The following CSRNP3 variants were observed in gnomAD, a reference collection of about 807,000 sequenced individuals.
CSRNP3 encodes cysteine/serine-rich nuclear protein 3.
In CSRNP3, 12 loss-of-function variants were observed where a neutral mutation model predicts 48.0. The observed-to-expected ratio is 0.25, with a 90% CI of 0.16 to 0.41. CSRNP3 has a LOEUF of 0.41. Among genes scored for constraint, CSRNP3 ranks in the 10% least tolerant of loss-of-function variants. The pLI is 1.00. For synonymous variants in CSRNP3, 263 were observed against 269.7 expected (o/e 0.98, Z 0.24); for missense variants, 580 against 724.4 (o/e 0.80, Z 2.29).
At position 165,657,779 on chromosome 2, in the gene CSRNP3, G is replaced by A. The variant is rs772708499; in HGVS notation, c.167G>A (p.Arg56Lys). Residue 56 changes from arginine to lysine, a missense_variant, in exon 5 of 7, where the codon AGG (arginine) becomes AAG (lysine). Physicochemically the swap from Arg to Lys is conservative, Grantham distance 26. This residue lies in a region of CSRNP3 where 83 missense variants were observed against 139.6 expected (regional missense o/e 0.59). Transcript: ENST00000651982. ...SHFTPSSILK[R>K]EKRLRTKNVH... ...CTTTCAGCTTCCTCCATTCTCAAAAGGGAGAAACGACTGAGGACAAAGAAT... is the reference window on the plus strand; with the variant it reads ...CTTTCAGCTTCCTCCATTCTCAAAAAGGAGAAACGACTGAGGACAAAGAAT... 3 of 1,613,648 alleles carry A rather than the reference G, an allele frequency of 1.9e-6. No homozygotes were observed. The highest frequency in any genetic ancestry group is 1.7e-6 in the Non-Finnish European group (2 of 1,179,634).
intron 4 of CSRNP3, among the ~76,000 whole-genome samples, chr2:165,634,137 G>A (rs1391496169): frequency 6.6e-6 from 1 of 151,998 alleles, no homozygotes; most frequent in East Asian, 1.9e-4. Context: ...CCAGGAGTTC[G>A]AGACCAGCCT....
intron 3 of CSRNP3, among the ~76,000 whole-genome samples, chr2:165,593,200 C>T (rs1218896622): frequency 1.3e-5 from 2 of 152,090 alleles, no homozygotes; most frequent in African/African-American, 2.4e-5. Context: ...GGAATTACAC[C>T]AGGAAAGGTC....
At chr2:165,523,348 G>T (rs192233428) in intron 3 of CSRNP3, among the ~76,000 whole-genome samples, 10 of 152,108 alleles carry the variant, frequency 6.6e-5, no homozygotes, top group Admixed American at 6.6e-4. Context: ...ATCCAAAAAA[G>T]CAAATTGACA....
At chr2:165,604,347 C>T (rs1179109378) in intron 4 of CSRNP3, among the ~76,000 whole-genome samples, 1 of 152,138 alleles carries the variant, frequency 6.6e-6, no homozygotes, top group Non-Finnish European at 1.5e-5. Context: ...TAACATTTAG[C>T]TTTGTAAAGT....
At chr2:165,624,344 A>C (rs1573926532) in intron 4 of CSRNP3, among the ~76,000 whole-genome samples, 1 of 152,226 alleles carries the variant, frequency 6.6e-6, no homozygotes, top group African/African-American at 2.4e-5. Context: ...TAAAGGCTTC[A>C]TGCCTGCTCT....
chr2:165,651,107 A>G (rs1686895044), intron 4 of CSRNP3, among the ~76,000 whole-genome samples: 1 of 152,204 alleles, frequency 6.6e-6, no homozygotes, highest in African/African-American at 2.4e-5. Flanking sequence ...CTGTGGTGGA[A>G]TTGGTAGTCC....
At chr2:165,606,551 T>C (rs964665692) in intron 4 of CSRNP3, among the ~76,000 whole-genome samples, 7 of 152,082 alleles carry the variant, frequency 4.6e-5, no homozygotes, top group Non-Finnish European at 1.0e-4. Flanking sequence ...GAAAATACCA[T>C]GTATTGACAA....
intron 4 of CSRNP3, among the ~76,000 whole-genome samples, chr2:165,635,579 G>A (rs1356004868): frequency 6.6e-6 from 1 of 152,160 alleles, no homozygotes; most frequent in Non-Finnish European, 1.5e-5. Flanking sequence ...GGATGTTCAT[G>A]CACACAGGAC....
rs979251677 is a variant in CSRNP3 at position 165,512,753 on chromosome 2, T to A, written c.-112-5120T>A. On this transcript the variant is annotated intron_variant, in intron 2 of 6. Transcript: ENST00000651982. ...GCACAAAATTGGAGTGGTATTGATA[T>A]CTTAAAAAGAATTATAAATAGAATT... 5.1e-4 allele frequency among the ~76,000 whole-genome samples: 77 copies of A among 152,216 alleles called. 1 individual carries two copies. The highest frequency in any genetic ancestry group is 1.7e-3 in the African/African-American group (70 of 41,460).
At position 165,600,668 on chromosome 2, in the gene CSRNP3, A is replaced by G. The variant is rs1052179010; in HGVS notation, c.148+5455A>G. 2.0e-5 allele frequency among the ~76,000 whole-genome samples: 3 copies of G among 152,196 alleles called. No individual in the cohort carries two copies. In the South Asian group the frequency reaches 6.2e-4, roughly 32 times the overall value. The stretch of plus-strand genomic sequence containing the variant: ...GTATCTCACTGTGATTTTGATTTGC[A>G]TTTCTCTGATGGCCAGTGATGGTGA... On this transcript the variant is annotated intron_variant, in intron 4 of 6. Coordinates refer to ENST00000651982, the MANE Select transcript of CSRNP3 (RefSeq NM_001172173.2).
At chr2:165,529,508 G>C (rs1002827835) in intron 3 of CSRNP3, among the ~76,000 whole-genome samples, 1 of 152,104 alleles carries the variant, frequency 6.6e-6, no homozygotes, top group African/African-American at 2.4e-5. Context: ...ACGTGGAATT[G>C]TGTGTTCATT....
intron 3 of CSRNP3, among the ~76,000 whole-genome samples, chr2:165,578,649 AC>A (rs1685491756): frequency 6.6e-6 from 1 of 152,060 alleles, no homozygotes; most frequent in South Asian, 2.1e-4. Context: ...ACTTTAACAA[AC>A]CTGGGTAACT....
intron 4 of CSRNP3, among the ~76,000 whole-genome samples, chr2:165,613,212 A>T (rs1368975486): frequency 6.6e-6 from 1 of 152,042 alleles, no homozygotes; most frequent in Non-Finnish European, 1.5e-5. Context: ...TTGGCTATTT[A>T]TATGTCTTCT....
At chr2:165,523,719 CA>C (rs1684693899) in intron 3 of CSRNP3, among the ~76,000 whole-genome samples, 1 of 152,166 alleles carries the variant, frequency 6.6e-6, no homozygotes, top group South Asian at 2.1e-4. Flanking sequence ...TCACAAACCA[CA>C]AACTCAAACC....
In CSRNP3 at chr2:165,685,417, C is replaced by T. The variant is rs1177243866; in HGVS notation, c.*5664C>T. ...TCTAAGTCTGTGCTGTCTTGGCATG[C>T]CTTGGGTTTCCTATCCTGAGAGTGG... On this transcript the variant is annotated 3_prime_UTR_variant, in exon 7 of 7. Transcript: ENST00000651982. The T allele has an allele frequency of 6.6e-6, 1 of 151,992 alleles. No homozygotes were observed. The highest frequency in any genetic ancestry group is 1.9e-4 in the East Asian group (1 of 5,184). The allele number at this position is 151,992 out of a possible 1,614,324, so 9.4% of individuals were successfully genotyped here.
chr2:165,501,051 A>G (rs1022768899), intron 2 of CSRNP3, among the ~76,000 whole-genome samples: 1 of 152,122 alleles, frequency 6.6e-6, no homozygotes, highest in Non-Finnish European at 1.5e-5. Context: ...AGATTAGTAC[A>G]TATTCTGGAT....
At chr2:165,540,572 TC>T (rs1684942996) in intron 3 of CSRNP3, among the ~76,000 whole-genome samples, 1 of 152,074 alleles carries the variant, frequency 6.6e-6, no homozygotes, top group Non-Finnish European at 1.5e-5. Context: ...TCTTCACTAT[TC>T]TCTGCACACT....
chr2:165,502,891 AT>A (rs1221978015), intron 2 of CSRNP3, among the ~76,000 whole-genome samples: 1 of 151,862 alleles, frequency 6.6e-6, no homozygotes, highest in African/African-American at 2.4e-5. Flanking sequence ...ATTTCTCTGA[AT>A]TGTAGGAAGC....
At chr2:165,530,603 T>C (rs915208092) in intron 3 of CSRNP3, among the ~76,000 whole-genome samples, 3 of 152,114 alleles carry the variant, frequency 2.0e-5, no homozygotes, top group African/African-American at 4.8e-5. Context: ...CTAATTAGTT[T>C]TTTAAAAAGT....
Sources: allele counts gnomAD v4.1 joint callset (sites outside exome capture counted in the v4.1 genomes callset), GRCh38; gene constraint gnomAD v4.1.1; regional missense constraint gnomAD v4.1.1; transcripts MANE v1.5; gene names NCBI Gene and HGNC (gene_info 2026-07-23, HGNC 2026-07-21).